The following CYP27C1 variants were observed in gnomAD, a reference collection of about 807,000 sequenced individuals.
CYP27C1 encodes the protein cytochrome P450 27C1.
A neutral mutation model predicts 40.6 loss-of-function variants in CYP27C1; 29 were observed. The ratio of observed to expected loss-of-function variants is 0.71; its 90% CI spans 0.53 to 0.97. CYP27C1 has a LOEUF of 0.97. Among genes scored for constraint, CYP27C1 ranks in the 50% least tolerant of loss-of-function variants. The pLI is 0.00. For synonymous variants in CYP27C1, 198 were observed against 186.8 expected, an observed-to-expected ratio of 1.06 and a Z score of -0.49; for missense variants, 390 against 485.8, an observed-to-expected ratio of 0.80 and a Z score of 1.85.
At chr2:127,193,336 A>G (rs1394073882) in intron 7 of CYP27C1, 39 bp from the exon 8 acceptor site, 1 of 1,610,594 alleles carries the variant, frequency 6.2e-7, no homozygotes, top group South Asian at 1.1e-5. Flanking sequence ...GAAAAGGGGC[A>G]GAATCACTCA....
Position 127,218,408 on chromosome 2 carries a change from ATATCT to A in CYP27C1, c.282+1576_282+1580del, listed in dbSNP as rs1683485189. Among the ~76,000 whole-genome samples the A allele has an allele frequency of 6.6e-6, 1 of 151,974 alleles. No homozygotes were observed. The highest frequency in any genetic ancestry group is 1.5e-5 in the Non-Finnish European group (1 of 68,010). ...ACTGTATTTGAAAGTTGCCATCCTG[ATATCT>A]TATCAGATCCTACAAAGAAAATCAT... On this transcript the variant is annotated intron_variant, in intron 1 of 8. Coordinates refer to ENST00000664447, the MANE Select transcript of CYP27C1 (RefSeq NM_001367502.1). This position sits in a 1 kb window ranked among gnomAD's most constrained non-coding sequence, Gnocchi z 6.0.
chr2:127,206,559 C>G (rs1683233726), intron 1 of CYP27C1, among the ~76,000 whole-genome samples: 1 of 152,222 alleles, frequency 6.6e-6, no homozygotes, highest in Non-Finnish European at 1.5e-5. Flanking sequence ...CCTCCTGCCT[C>G]AGCCTCCCAA....
At chr2:127,198,097 T>C (rs924868129) in intron 5 of CYP27C1, among the ~76,000 whole-genome samples, 5 of 152,032 alleles carry the variant, frequency 3.3e-5, no homozygotes, top group Non-Finnish European at 5.9e-5. Context: ...TGGGCAGTGC[T>C]CTGTCTCATT....
At chr2:127,206,822 C>A (rs1257055076) in intron 1 of CYP27C1, among the ~76,000 whole-genome samples, 1 of 152,016 alleles carries the variant, frequency 6.6e-6, no homozygotes, top group Non-Finnish European at 1.5e-5. Context: ...TGACTCCCAG[C>A]AAGAAAATGA....
intron 2 of CYP27C1, among the ~76,000 whole-genome samples, chr2:127,204,976 T>A (rs1257832789): frequency 6.6e-6 from 1 of 152,216 alleles, no homozygotes; most frequent in Non-Finnish European, 1.5e-5. Context: ...GGACCCAAGC[T>A]AAGCCAGCCC....
intron 1 of CYP27C1, among the ~76,000 whole-genome samples, chr2:127,207,678 A>AT (rs947520725): frequency 1.3e-5 from 2 of 151,178 alleles, no homozygotes; most frequent in African/African-American, 4.8e-5. Context: ...ACAAAAAAAA[A>AT]AATAATAATA....
At position 127,219,779 on chromosome 2, in the gene CYP27C1, T is replaced by G. The variant is rs1454444745; in HGVS notation, c.282+210A>C. 7.4e-6 allele frequency among the ~76,000 whole-genome samples: 1 copy of G among 135,950 alleles called. No individual in the cohort carries two copies. The highest frequency in any genetic ancestry group is 1.6e-5 in the Non-Finnish European group (1 of 64,398). 89.2% of individuals were successfully genotyped at this position (135,950 alleles called of 152,430 possible). On this transcript the variant is annotated intron_variant, in intron 1 of 8. Coordinates refer to ENST00000664447, the MANE Select transcript of CYP27C1 (RefSeq NM_001367502.1). The surrounding 1 kb of genome is among the most constrained non-coding windows in gnomAD (Gnocchi z 8.7). ...CCCGGATCGCCTTTCCGGCGTCCTC[T>G]CCCCAGCGCCCCTTCCTGCGAACCT... is the stretch of plus-strand genomic sequence containing the variant.
At chr2:127,188,533 C>T (rs1196886336) in intron 8 of CYP27C1, among the ~76,000 whole-genome samples, 4 of 152,114 alleles carry the variant, frequency 2.6e-5, no homozygotes, top group Admixed American at 6.5e-5. Flanking sequence ...CCACCACTCT[C>T]GGCCTCTAAC....
At position 127,200,950 on chromosome 2, in the gene CYP27C1, C is replaced by A. The variant is rs1213546069; in HGVS notation, c.883+172G>T. Among the ~76,000 whole-genome samples, 1 of 151,108 alleles carries A rather than the reference C, an allele frequency of 6.6e-6. No homozygotes were observed. The highest frequency in any genetic ancestry group is 2.4e-5 in the African/African-American group (1 of 41,088). On this transcript the variant is annotated intron_variant, in intron 4 of 8. Transcript: ENST00000664447. The surrounding 1 kb of genome is among the most constrained non-coding windows in gnomAD (Gnocchi z 4.2). The stretch of plus-strand genomic sequence containing the variant: ...TGCACTCCAGCATGGGCGACAGAGC[C>A]AGACTCCGTCTCAAAAAAAAAAAAA...
chr2:127,189,176 C>G (rs955945957), intron 8 of CYP27C1, among the ~76,000 whole-genome samples: 4 of 151,344 alleles, frequency 2.6e-5, no homozygotes, highest in East Asian at 2.0e-4. Flanking sequence ...CTGCCCCCCC[C>G]CTCCGCCCCC....
At chr2:127,207,680 AT>A (rs141019477) in intron 1 of CYP27C1, among the ~76,000 whole-genome samples, 12,158 of 151,448 alleles carry the variant, frequency 0.08, 600 homozygotes, top group South Asian at 0.15. Context: ...AAAAAAAAAA[AT>A]AATAATATTC....
At position 127,184,231 on chromosome 2, in the gene CYP27C1, T is replaced by C. The variant is rs1421916937; in HGVS notation, c.*3040A>G. 6.6e-6 allele frequency: 1 copy of C among 152,186 alleles called. No homozygotes were observed. The highest frequency in any genetic ancestry group is 1.5e-5 in the Non-Finnish European group (1 of 68,042). 9.4% of individuals were successfully genotyped at this position (152,186 alleles called of 1,614,324 possible). On this transcript the variant is annotated 3_prime_UTR_variant, in exon 9 of 9. Transcript: ENST00000664447. ...CGAGTTGCTCTCTTTTTTTCATGCATTGGAAGAATTAATATTTTTGGCTTT... is the reference window on the plus strand; with the variant it reads ...CGAGTTGCTCTCTTTTTTTCATGCACTGGAAGAATTAATATTTTTGGCTTT...
Position 127,195,415 on chromosome 2 carries a change from A to C in CYP27C1, c.1134T>G (p.Asn378Lys). 1 of 1,614,092 alleles carries C rather than the reference A, an allele frequency of 6.2e-7. No individual in the cohort carries two copies. The highest frequency in any genetic ancestry group is 1.3e-5 in the African/African-American group (1 of 75,018). Residue 378 changes from asparagine to lysine, a missense_variant, in exon 6 of 9, where the codon AAT (asparagine) becomes AAG (lysine). By Grantham distance (94) the Asn-to-Lys change is moderately conservative. Coordinates refer to ENST00000664447, the MANE Select transcript of CYP27C1 (RefSeq NM_001367502.1). The surrounding 1 kb of genome is among the most constrained non-coding windows in gnomAD (Gnocchi z 6.2). ...CAGTTGGAACATGCCTTTCCCCTAA[A>C]TTCTTCACAATCTCCCGGTACACCG... ...QQTVYREIVK[N>K]LGERHVPTAA...
Position 127,204,625 on chromosome 2 carries a change from G to GAAAGAAAGAAAGAAA in CYP27C1, c.474-1055_474-1054insTTTCTTTCTTTCTTT. Among the ~76,000 whole-genome samples the GAAAGAAAGAAAGAAA allele has an allele frequency of 3.2e-5, 3 of 94,292 alleles. 1 individual carries two copies. The South Asian group carries it at 8.3e-4, about 26-fold the overall frequency. 61.9% of individuals were successfully genotyped at this position (94,292 alleles called of 152,430 possible). A position where few individuals can be genotyped will look rare whatever the true frequency, so the allele number is the denominator to read the frequency against. On this transcript the variant is annotated intron_variant, in intron 2 of 8. Coordinates refer to ENST00000664447, the MANE Select transcript of CYP27C1 (RefSeq NM_001367502.1). ...AGAAAGAAAGAAAGAAAGAAAGAAAGAAGACTGCAGCTTGTTACCAGGGTG... is the reference window on the plus strand; with the variant it reads ...AGAAAGAAAGAAAGAAAGAAAGAAAGAAAGAAAGAAAGAAAAAGACTGCAGCTTGTTACCAGGGTG...
Position 127,203,510 on chromosome 2 carries a change from C to T in CYP27C1, c.535G>A (p.Asp179Asn). 6.2e-7 allele frequency: 1 copy of T among 1,614,052 alleles called. No homozygotes were observed. Among genetic ancestry groups the T allele is most frequent in the Non-Finnish European group, 8.5e-7 (1 of 1,179,998 alleles). Residue 179 changes from aspartate to asparagine, a missense_variant, in exon 3 of 9, where the codon GAT (aspartate) becomes AAT (asparagine). Coordinates refer to ENST00000664447, the MANE Select transcript of CYP27C1 (RefSeq NM_001367502.1). ...ACTTCTCCAGAATAAATGGCCACAT[C>T]TTTCGGTTTCAGAATTCTTTGTCTC... ...VLRQRILKPK[D>N]VAIYSGEVNQ...
intron 2 of CYP27C1, among the ~76,000 whole-genome samples, chr2:127,204,712 C>T (rs2104692932): frequency 2.0e-5 from 3 of 152,300 alleles, no homozygotes; most frequent in African/African-American, 7.2e-5. Flanking sequence ...CTCCTGGCTG[C>T]ACTCGGAGAG....
At chr2:127,188,197 C>A (rs1312633325) in intron 8 of CYP27C1, among the ~76,000 whole-genome samples, 1 of 152,184 alleles carries the variant, frequency 6.6e-6, no homozygotes, top group East Asian at 1.9e-4. Flanking sequence ...CTACTTAGCG[C>A]CCAGGCTGTC....
intron 8 of CYP27C1, among the ~76,000 whole-genome samples, chr2:127,191,374 A>AGCTCCAAATACCAT (rs1343974542): frequency 6.6e-6 from 1 of 152,208 alleles, no homozygotes; most frequent in African/African-American, 2.4e-5. Flanking sequence ...CCCCATCACG[A>AGCTCCAAATACCAT]GCTCCAAATA....
At position 127,201,073 on chromosome 2, in the gene CYP27C1, C is replaced by T. The variant is rs111995214; in HGVS notation, c.883+49G>A. On this transcript the variant is annotated intron_variant, in intron 4 of 8. Coordinates refer to ENST00000664447, the MANE Select transcript of CYP27C1 (RefSeq NM_001367502.1). The surrounding 1 kb of genome is among the most constrained non-coding windows in gnomAD (Gnocchi z 6.0). ...CTGGATGAGAGTTAGACACACAACA[C>T]GGCAGGTCAACCTGCTTCTGCAAAA... The T allele has an allele frequency of 2.2e-5, 35 of 1,561,698 alleles. No homozygotes were observed. The highest frequency in any genetic ancestry group is 1.1e-4 in the African/African-American group (8 of 73,914).
Sources: allele counts gnomAD v4.1 joint callset (sites outside exome capture counted in the v4.1 genomes callset), GRCh38; gene constraint gnomAD v4.1.1; non-coding constraint Gnocchi (gnomAD v3.1); transcripts MANE v1.5; gene names NCBI Gene and HGNC (gene_info 2026-07-23, HGNC 2026-07-21).